TAFA1: variants seen among roughly 807,000 people sequenced by gnomAD.
The protein encoded by TAFA1 is chemokine-like protein TAFA-1.
Under a neutral mutation model 18.5 loss-of-function variants are expected in TAFA1, and 4 were observed. The ratio of observed to expected loss-of-function variants is 0.22; its 90% confidence interval spans 0.11 to 0.49. TAFA1 has a LOEUF of 0.49. TAFA1 is among the 20% of genes least tolerant of loss of function. TAFA1 has a pLI of 0.98. For synonymous variants in TAFA1, 56 were observed against 55.2 expected (o/e 1.01, Z -0.06); for missense variants, 147 against 169.0 (o/e 0.87, Z 0.72).
chr3:68,151,884 T>A (rs983405716), intron 2 of TAFA1, among the ~76,000 whole-genome samples: 1 of 152,242 alleles, frequency 6.6e-6, no homozygotes, highest in African/African-American at 2.4e-5. Flanking sequence ...TACAAAATCT[T>A]ATATGCTACT....
chr3:67,995,654 C>T, the TAFA1 span, among the ~76,000 whole-genome samples: 4 of 152,170 alleles, frequency 2.6e-5, no homozygotes, highest in African/African-American at 4.8e-5. Context: ...GTAGGGAAGG[C>T]GTACTGTCAA....
At chr3:68,380,830 A>G in intron 2 of TAFA1, among the ~76,000 whole-genome samples, 3 of 148,618 alleles carry the variant, frequency 2.0e-5, no homozygotes, top group South Asian at 2.2e-4. Flanking sequence ...TGTTTTAGAC[A>G]TGAAGTCCTT....
chr3:68,147,092 G>T (rs1342167580), intron 2 of TAFA1, among the ~76,000 whole-genome samples: 1 of 150,858 alleles, frequency 6.6e-6, no homozygotes, highest in Non-Finnish European at 1.5e-5. Context: ...ATCTTAAAAA[G>T]AAACAAAAAC....
chr3:68,470,063 G>C (rs138828060), intron 3 of TAFA1, among the ~76,000 whole-genome samples: 94 of 152,246 alleles, frequency 6.2e-4, no homozygotes, highest in African/African-American at 2.2e-3. Flanking sequence ...GAAGATAATT[G>C]AATCATGGGG....
At chr3:68,117,791 A>G (rs990538015) in intron 2 of TAFA1, among the ~76,000 whole-genome samples, 3 of 152,268 alleles carry the variant, frequency 2.0e-5, no homozygotes, top group African/African-American at 7.2e-5. Flanking sequence ...GTTTTCATAT[A>G]GTTAAAATTA....
chr3:68,320,093 G>A (rs141991565), intron 2 of TAFA1, among the ~76,000 whole-genome samples: 2 of 152,252 alleles, frequency 1.3e-5, no homozygotes, highest in African/African-American at 4.8e-5. Flanking sequence ...CACCATTTGA[G>A]GTGAGGGTAG....
chr3:68,474,903 GT>G (rs1048944241), intron 3 of TAFA1, among the ~76,000 whole-genome samples: 3 of 151,998 alleles, frequency 2.0e-5, no homozygotes, highest in East Asian at 1.9e-4. Context: ...GAGTGGCTTT[GT>G]TTTTTTCAGA....
intron 2 of TAFA1, among the ~76,000 whole-genome samples, chr3:68,210,570 A>G (rs554335250): frequency 2.4e-4 from 36 of 152,150 alleles, no homozygotes; most frequent in Non-Finnish European, 5.3e-4. Context: ...TGCAATACAC[A>G]ATGTCTCAAT....
At chr3:68,442,630 G>C (rs1406767000) in intron 3 of TAFA1, among the ~76,000 whole-genome samples, 1 of 152,142 alleles carries the variant, frequency 6.6e-6, no homozygotes, top group Non-Finnish European at 1.5e-5. Context: ...AAAGAGGGAG[G>C]CAGGGAGGAA....
At chr3:68,212,022 T>C (rs1383072711) in intron 2 of TAFA1, among the ~76,000 whole-genome samples, 1 of 151,950 alleles carries the variant, frequency 6.6e-6, no homozygotes, top group Non-Finnish European at 1.5e-5. Context: ...TGCCATGAGC[T>C]TCATAATAAA....
chr3:68,131,176 C>T (rs2065531801), intron 2 of TAFA1, among the ~76,000 whole-genome samples: 1 of 152,116 alleles, frequency 6.6e-6, no homozygotes, highest in Non-Finnish European at 1.5e-5. Context: ...TGCATGTGAC[C>T]TTTGAAACCA....
At chr3:68,367,638 G>A (rs1436838602) in intron 2 of TAFA1, among the ~76,000 whole-genome samples, 2 of 151,970 alleles carry the variant, frequency 1.3e-5, no homozygotes, top group Non-Finnish European at 2.9e-5. Flanking sequence ...ACACAACCTC[G>A]GACACATTAT....
chr3:68,402,971 A>G (rs371497443), intron 2 of TAFA1, among the ~76,000 whole-genome samples: 13 of 152,320 alleles, frequency 8.5e-5, no homozygotes, highest in Non-Finnish European at 1.3e-4. Flanking sequence ...CTGTCCCATA[A>G]CAATGTTTCA....
intron 2 of TAFA1, among the ~76,000 whole-genome samples, chr3:68,322,063 T>C (rs941420298): frequency 6.6e-6 from 1 of 152,170 alleles, no homozygotes; most frequent in African/African-American, 2.4e-5. Context: ...ACAAAAGAAT[T>C]TTACATACTT....
intron 3 of TAFA1, among the ~76,000 whole-genome samples, chr3:68,456,629 C>G (rs900125287): frequency 3.3e-5 from 5 of 152,110 alleles, no homozygotes; most frequent in Non-Finnish European, 7.4e-5. Flanking sequence ...TTCTGTTTTT[C>G]TCAAATCACA....
chr3:68,430,129 A>T (rs2071140534), intron 3 of TAFA1, among the ~76,000 whole-genome samples: 1 of 151,942 alleles, frequency 6.6e-6, no homozygotes, highest in Non-Finnish European at 1.5e-5. Context: ...AGTAAACCAC[A>T]CATTCAGAAG....
chr3:68,142,500 G>T (rs1049000298), intron 2 of TAFA1, among the ~76,000 whole-genome samples: 4 of 152,140 alleles, frequency 2.6e-5, no homozygotes, highest in African/African-American at 9.7e-5. Context: ...GTCCTTGAAC[G>T]TTCTTGCATT....
At chr3:68,045,887 T>C (rs1705257911) in intron 2 of TAFA1, among the ~76,000 whole-genome samples, 1 of 152,208 alleles carries the variant, frequency 6.6e-6, no homozygotes, top group Non-Finnish European at 1.5e-5. Context: ...TCGAAAAGAC[T>C]TTATTCATAA....
intron 3 of TAFA1, among the ~76,000 whole-genome samples, chr3:68,498,722 CTTTTTTTTTTT>C (rs34030223): frequency 1.4e-3 from 137 of 97,008 alleles, no homozygotes; most frequent in African/African-American, 6.1e-3. Flanking sequence ...CGTTTGGTGG[CTTTTTTTTTTT>C]TTTTTTTTTT....
Sources: allele counts gnomAD v4.1 joint callset (sites outside exome capture counted in the v4.1 genomes callset), GRCh38; gene constraint gnomAD v4.1.1; transcripts MANE v1.5; gene names NCBI Gene and HGNC (gene_info 2026-07-23, HGNC 2026-07-21).